FSTL4: variants seen among roughly 807,000 people sequenced by gnomAD.
The protein encoded by FSTL4 is follistatin-related protein 4.
In FSTL4, 28 loss-of-function variants were observed where a neutral mutation model predicts 78.2. That is an observed-to-expected ratio of 0.36 (90% CI 0.27 to 0.49). The LOEUF is 0.49. Among genes scored for constraint, FSTL4 ranks in the 20% least tolerant of loss-of-function variants. The probability of loss-of-function intolerance (pLI) is 0.98; values close to 1 mark genes in which losing one functional copy is unlikely to be tolerated. For missense variants in FSTL4, 922 were observed against 1,084.9 expected, an observed-to-expected ratio of 0.85 and a Z score of 2.11; for synonymous variants, 422 against 440.5, an observed-to-expected ratio of 0.96 and a Z score of 0.53.
At chr5:133,203,983 T>C (rs1038641857) in intron 14 of FSTL4, among the ~76,000 whole-genome samples, 8 of 150,794 alleles carry the variant, frequency 5.3e-5, no homozygotes, top group Non-Finnish European at 8.9e-5. Flanking sequence ...GATAGATAAC[T>C]GTCAAGCCCC....
chr5:133,601,527 GAC>G (rs2112977417), intron 2 of FSTL4, among the ~76,000 whole-genome samples: 1 of 152,292 alleles, frequency 6.6e-6, no homozygotes, highest in Admixed American at 6.5e-5. Context: ...AGAAAGGAGA[GAC>G]AGCACGCTCT....
chr5:133,687,651 G>A, the FSTL4 span, among the ~76,000 whole-genome samples: 1 of 152,186 alleles, frequency 6.6e-6, no homozygotes, highest in Non-Finnish European at 1.5e-5. Context: ...AAACCAGAAG[G>A]TGGTTTGTTT....
intron 6 of FSTL4, among the ~76,000 whole-genome samples, chr5:133,297,202 A>C (rs1753416518): frequency 6.6e-6 from 1 of 152,246 alleles, no homozygotes; most frequent in South Asian, 2.1e-4. Context: ...GCATTTTGCA[A>C]ATGCGTATTA....
intron 3 of FSTL4, among the ~76,000 whole-genome samples, chr5:133,485,372 G>A (rs1334134901): frequency 6.6e-6 from 1 of 152,228 alleles, no homozygotes; most frequent in Non-Finnish European, 1.5e-5. Context: ...TAATGGCGCA[G>A]CTTCCCATGC....
At chr5:133,222,111 A>AGG (rs1751155429) in intron 11 of FSTL4, among the ~76,000 whole-genome samples, 1 of 151,678 alleles carries the variant, frequency 6.6e-6, no homozygotes, top group Admixed American at 6.6e-5. Context: ...CTGTTGAACA[A>AGG]GGGGCTGACT....
intron 6 of FSTL4, among the ~76,000 whole-genome samples, chr5:133,289,989 C>A (rs1561658516): frequency 1.3e-5 from 2 of 152,148 alleles, no homozygotes; most frequent in Non-Finnish European, 2.9e-5. Context: ...TGAGAGTGTG[C>A]CGGGAGTGAG....
the FSTL4 span, among the ~76,000 whole-genome samples, chr5:133,729,616 G>A: frequency 7.2e-5 from 11 of 151,962 alleles, no homozygotes; most frequent in African/African-American, 2.7e-4. Flanking sequence ...TTAACTTCAA[G>A]CCCAAGATCT....
the FSTL4 span, among the ~76,000 whole-genome samples, chr5:133,630,789 T>G: frequency 6.6e-6 from 1 of 152,050 alleles, no homozygotes; most frequent in Non-Finnish European, 1.5e-5. Context: ...GTACCAAAAC[T>G]GATATCGACC....
chr5:133,383,178 C>T (rs1420529841), intron 4 of FSTL4, among the ~76,000 whole-genome samples: 2 of 152,186 alleles, frequency 1.3e-5, no homozygotes, highest in Admixed American at 6.5e-5. Context: ...TTCCTGTGGC[C>T]CACATCCTGC....
chr5:133,334,975 T>G (rs1393509281), intron 4 of FSTL4, among the ~76,000 whole-genome samples: 1 of 152,172 alleles, frequency 6.6e-6, no homozygotes, highest in African/African-American at 2.4e-5. Flanking sequence ...CGTCCTGGCC[T>G]CACCCAATAC....
chr5:133,309,795 T>C (rs191611308), intron 6 of FSTL4, among the ~76,000 whole-genome samples: 1 of 152,144 alleles, frequency 6.6e-6, no homozygotes, highest in African/African-American at 2.4e-5. Context: ...TGAGCTGGAG[T>C]CACCCCACAG....
At chr5:133,341,226 T>C (rs1231044153) in intron 4 of FSTL4, among the ~76,000 whole-genome samples, 2 of 102,506 alleles carry the variant, frequency 2.0e-5, no homozygotes, top group Non-Finnish European at 4.1e-5. Context: ...CCTGCTCACA[T>C]TTTTTTTTTT....
chr5:133,745,137 A>G, the FSTL4 span, among the ~76,000 whole-genome samples: 1 of 152,236 alleles, frequency 6.6e-6, no homozygotes, highest in Non-Finnish European at 1.5e-5. Context: ...AGAGACACTC[A>G]CTGCTAGCCC....
At chr5:133,427,512 G>A (rs1370778716) in intron 3 of FSTL4, 1 of 436,506 alleles carries the variant, frequency 2.3e-6, no homozygotes, top group Non-Finnish European at 5.0e-6. Flanking sequence ...TTGCGGGGGT[G>A]GGAGTTCTAC....
At chr5:133,836,481 G>A in the FSTL4 span, among the ~76,000 whole-genome samples, 1 of 152,086 alleles carries the variant, frequency 6.6e-6, no homozygotes, top group Non-Finnish European at 1.5e-5. Context: ...TATTTTAATT[G>A]TATATTTTTA....
the FSTL4 span, among the ~76,000 whole-genome samples, chr5:133,698,756 T>C: frequency 1.3e-5 from 2 of 152,158 alleles, no homozygotes; most frequent in African/African-American, 4.8e-5. Flanking sequence ...AATCTGGAGC[T>C]CTCAAGCGTC....
intron 3 of FSTL4, among the ~76,000 whole-genome samples, chr5:133,469,616 G>T (rs973633005): frequency 1.3e-5 from 2 of 152,188 alleles, no homozygotes; most frequent in African/African-American, 4.8e-5. Flanking sequence ...AAAACAAAAG[G>T]AGAGGGTTCA....
intron 4 of FSTL4, among the ~76,000 whole-genome samples, chr5:133,320,101 G>A (rs547124270): frequency 2.6e-5 from 4 of 152,102 alleles, no homozygotes; most frequent in Admixed American, 1.3e-4. Flanking sequence ...TTTGTCATCC[G>A]AATTCCACAG....
the FSTL4 span, among the ~76,000 whole-genome samples, chr5:133,799,978 C>T: frequency 7.2e-6 from 1 of 139,096 alleles, no homozygotes; most frequent in East Asian, 2.0e-4. Flanking sequence ...AGCATACATC[C>T]CTGCCTGCTG....
Sources: gnomAD v4.1 joint callset for allele counts (sites outside exome capture counted in the v4.1 genomes callset) on GRCh38, gnomAD v4.1.1 for gene constraint, MANE v1.5 for transcripts, NCBI Gene and HGNC (gene_info 2026-07-23, HGNC 2026-07-21) for gene names.